The following NDC1 variants were observed in gnomAD, a reference collection of about 807,000 sequenced individuals.
NDC1 encodes NDC1 transmembrane nucleoporin.
Under a neutral mutation model 89.8 loss-of-function variants are expected in NDC1, and 24 were observed. The observed-to-expected ratio is 0.27, with a 90% confidence interval of 0.19 to 0.38. The LOEUF is 0.38. NDC1 is among the 10% of genes least tolerant of loss of function. The pLI, the probability that NDC1 is intolerant of heterozygous loss-of-function variation, is 1.00. For missense variants in NDC1, 728 were observed against 797.6 expected, an observed-to-expected ratio of 0.91 and a Z score of 1.05; for synonymous variants, 296 against 284.8, an observed-to-expected ratio of 1.04 and a Z score of -0.39.
intron 16 of NDC1, among the ~76,000 whole-genome samples, chr1:53,783,958 T>A (rs530653209): frequency 1.3e-5 from 2 of 152,188 alleles, no homozygotes; most frequent in African/African-American, 2.4e-5. Flanking sequence ...CCTATTTTCC[T>A]ACTCAAAGGT....
intron 16 of NDC1, among the ~76,000 whole-genome samples, chr1:53,785,093 T>A (rs1647272678): frequency 6.6e-6 from 1 of 152,120 alleles, no homozygotes; most frequent in Admixed American, 6.5e-5. Context: ...AGATCTGAGG[T>A]AAGTCACTGT....
At chr1:53,774,513 ATACTT>A (rs1263678054) in intron 16 of NDC1, among the ~76,000 whole-genome samples, 3 of 152,198 alleles carry the variant, frequency 2.0e-5, no homozygotes, top group African/African-American at 7.2e-5. Flanking sequence ...GGTCCTATGA[ATACTT>A]TATATTTTTT....
chr1:53,824,293 G>C (rs1010725841), intron 5 of NDC1, among the ~76,000 whole-genome samples: 3 of 151,198 alleles, frequency 2.0e-5, no homozygotes, highest in African/African-American at 4.9e-5. Flanking sequence ...AGAGAGACAC[G>C]GTCTAGCCAT....
At chr1:53,837,577 A>AT (rs1557594292) in intron 1 of NDC1, among the ~76,000 whole-genome samples, 1 of 152,212 alleles carries the variant, frequency 6.6e-6, no homozygotes, top group Non-Finnish European at 1.5e-5. Context: ...GGCTCAAAAA[A>AT]AAAAAAAGAT....
At chr1:53,808,571 T>G in intron 7 of NDC1, among the ~76,000 whole-genome samples, 1 of 152,244 alleles carries the variant, frequency 6.6e-6, no homozygotes, top group Admixed American at 6.5e-5. Context: ...ATGATGAAGT[T>G]ATTTTTAACT....
intron 4 of NDC1, among the ~76,000 whole-genome samples, chr1:53,826,315 CA>C (rs1648860191): frequency 1.3e-5 from 2 of 152,188 alleles, no homozygotes; most frequent in Non-Finnish European, 2.9e-5. Flanking sequence ...AGTATTCCCT[CA>C]CGGGGATCCT....
At chr1:53,776,655 A>G (rs1647166141) in intron 16 of NDC1, among the ~76,000 whole-genome samples, 1 of 152,138 alleles carries the variant, frequency 6.6e-6, no homozygotes, top group Non-Finnish European at 1.5e-5. Flanking sequence ...TTGTCTTCCA[A>G]TGTGTCTCAG....
Position 53,838,268 on chromosome 1 carries a change from G to A in NDC1, c.-7C>T, listed in dbSNP as rs779423468. ...GGCTCACGGCCGTGGCCATGGAGAT[G>A]GCGGCCCCTAGTCTAGGGCGTACAG... On this transcript the variant is annotated 5_prime_UTR_variant, in exon 1 of 18. Coordinates refer to ENST00000371429, the MANE Select transcript of NDC1 (RefSeq NM_018087.5). The A allele has an allele frequency of 4.6e-6, 7 of 1,537,074 alleles. No individual in the cohort carries two copies. In the South Asian group the frequency reaches 7.2e-5, roughly 16 times the overall value.
At chr1:53,798,138 T>TATTATTA (rs1553148465) in intron 11 of NDC1, among the ~76,000 whole-genome samples, 4 of 133,012 alleles carry the variant, frequency 3.0e-5, no homozygotes, top group South Asian at 2.5e-4. Context: ...CCATCTTCTT[T>TATTATTA]TTATTATTAT....
intron 11 of NDC1, 112 bp from the exon 12 acceptor site, chr1:53,797,256 C>G: frequency 1.0e-6 from 1 of 973,464 alleles, no homozygotes; most frequent in Non-Finnish European, 1.5e-6. Context: ...TTACCCAAAG[C>G]TCAGTAGATT....
intron 9 of NDC1, among the ~76,000 whole-genome samples, chr1:53,806,079 A>G (rs1648096907): frequency 6.6e-6 from 1 of 152,232 alleles, no homozygotes. Context: ...GTCTCAAAAA[A>G]AAAAAATCAA....
intron 16 of NDC1, among the ~76,000 whole-genome samples, chr1:53,785,165 C>A (rs529172156): frequency 2.6e-5 from 4 of 152,160 alleles, no homozygotes; most frequent in Non-Finnish European, 4.4e-5. Context: ...GCTGACTTCA[C>A]AAGATGGTTA....
chr1:53,776,778 T>C (rs1647166878), intron 16 of NDC1, among the ~76,000 whole-genome samples: 1 of 152,212 alleles, frequency 6.6e-6, no homozygotes, highest in Admixed American at 6.5e-5. Context: ...CAAAGATGTG[T>C]GTCTAGACTT....
intron 4 of NDC1, among the ~76,000 whole-genome samples, chr1:53,826,947 C>T (rs1191978769): frequency 6.6e-6 from 1 of 152,170 alleles, no homozygotes; most frequent in Non-Finnish European, 1.5e-5. Context: ...CTTACTGCTG[C>T]CTTCTGCTCC....
At chr1:53,775,852 T>A (rs1372947890) in intron 16 of NDC1, among the ~76,000 whole-genome samples, 1 of 152,192 alleles carries the variant, frequency 6.6e-6, no homozygotes, top group East Asian at 1.9e-4. Context: ...GCATACCACA[T>A]ATATTTCCTT....
intron 10 of NDC1, among the ~76,000 whole-genome samples, chr1:53,801,078 C>A (rs1647895931): frequency 6.7e-6 from 1 of 148,242 alleles, no homozygotes. Flanking sequence ...GCTATTTTAC[C>A]ACACACATAC....
In NDC1 at chr1:53,791,017, T is replaced by C. The variant is rs1041251295; in HGVS notation, c.1636-1821A>G. ...AACTGTATATTTGTACCCTTTAACC[T>C]ACTTCTCTCCATCCTCCTCCTACCC... On this transcript the variant is annotated intron_variant, in intron 14 of 17. Transcript: ENST00000371429. 5.1e-4 allele frequency among the ~76,000 whole-genome samples: 78 copies of C among 152,188 alleles called. 3 individuals carry two copies. The highest frequency in any genetic ancestry group is 2.6e-4 in the Admixed American group (4 of 15,272).
intron 1 of NDC1, 115 bp downstream of exon 1, chr1:53,838,090 T>A: frequency 1.1e-6 from 1 of 945,566 alleles, no homozygotes; most frequent in South Asian, 1.6e-5. Flanking sequence ...TCCCCACGCG[T>A]TCTCTCCACG....
chr1:53,836,466 A>G (rs1170130134), intron 1 of NDC1, among the ~76,000 whole-genome samples: 1 of 151,844 alleles, frequency 6.6e-6, no homozygotes, highest in East Asian at 1.9e-4. Flanking sequence ...AAAAAAAAAA[A>G]AAAGAATAAA....
Sources: gnomAD v4.1 joint callset for allele counts (sites outside exome capture counted in the v4.1 genomes callset) on GRCh38, gnomAD v4.1.1 for gene constraint, MANE v1.5 for transcripts, NCBI Gene and HGNC (gene_info 2026-07-23, HGNC 2026-07-21) for gene names.